The following SLC25A37 variants were observed in gnomAD, a reference collection of about 807,000 sequenced individuals.
SLC25A37 encodes mitoferrin-1.
In SLC25A37, 17 loss-of-function variants were observed where a neutral mutation model predicts 31.0. That is an observed-to-expected ratio of 0.55 (90% CI 0.38 to 0.82). The LOEUF (loss-of-function observed/expected upper bound fraction) is 0.82, where lower values mean the gene tolerates loss of function less well. Among genes scored for constraint, SLC25A37 ranks in the 40% least tolerant of loss-of-function variants. The pLI is 0.00. For missense variants in SLC25A37, 404 were observed against 465.8 expected (o/e 0.87, Z 1.22); for synonymous variants, 222 against 193.0 (o/e 1.15, Z -1.24).
At chr8:23,552,439 T>C (rs1361654242) in intron 1 of SLC25A37, among the ~76,000 whole-genome samples, 2 of 152,182 alleles carry the variant, frequency 1.3e-5, no homozygotes, top group African/African-American at 4.8e-5. Flanking sequence ...AAACCGGGGT[T>C]GTCTTTGTGC....
chr8:23,556,287 C>T (rs1385321387), intron 1 of SLC25A37, among the ~76,000 whole-genome samples: 1 of 148,020 alleles, frequency 6.8e-6, no homozygotes, highest in African/African-American at 2.5e-5. Context: ...GTGACATGAT[C>T]ATAGCTCACT....
At chr8:23,556,065 T>A (rs1034369875) in intron 1 of SLC25A37, among the ~76,000 whole-genome samples, 2 of 146,050 alleles carry the variant, frequency 1.4e-5, no homozygotes, top group African/African-American at 5.1e-5. Flanking sequence ...AGCAGGAAGC[T>A]TTTTTCAGAA....
At chr8:23,553,234 A>G (rs549785841) in intron 1 of SLC25A37, among the ~76,000 whole-genome samples, 101 of 152,190 alleles carry the variant, frequency 6.6e-4, no homozygotes, top group Non-Finnish European at 1.3e-3. Context: ...CAGCCTGGAC[A>G]ACATGGTGAA....
rs1456472306 is a variant in SLC25A37, at chr8:23,573,949, G to T, written c.*2094G>T. On this transcript the variant is annotated 3_prime_UTR_variant, in exon 4 of 4. Transcript: ENST00000519973. ...AACCTGCCTTGGGTTCGTGTTAAATGGTGTTAAATTCTGCAAATGGAGGGG... is the reference window on the plus strand; with the variant it reads ...AACCTGCCTTGGGTTCGTGTTAAATTGTGTTAAATTCTGCAAATGGAGGGG... 5.1e-6 allele frequency: 2 copies of T among 393,198 alleles called. No homozygotes were observed. Among genetic ancestry groups the T allele is most frequent in the African/African-American group, 4.2e-5 (2 of 47,858 alleles). 24.4% of individuals were successfully genotyped at this position (393,198 alleles called of 1,614,324 possible). A position where few individuals can be genotyped will look rare whatever the true frequency, so the allele number is the denominator to read the frequency against.
intron 3 of SLC25A37, chr8:23,568,639 G>A (rs1802732672): frequency 2.1e-6 from 1 of 485,020 alleles, no homozygotes; most frequent in Admixed American, 3.3e-5. Flanking sequence ...CTTGAGGGGT[G>A]TTGGAAATGC....
chr8:23,565,069 G>A (rs1802617270), intron 1 of SLC25A37, among the ~76,000 whole-genome samples: 1 of 152,218 alleles, frequency 6.6e-6, no homozygotes, highest in Non-Finnish European at 1.5e-5. Flanking sequence ...TGAGTCTGAA[G>A]GCAGTCTGGA....
In SLC25A37 at chr8:23,574,109, G is replaced by C. The variant is rs1802931012; in HGVS notation, c.*2254G>C. The C allele has an allele frequency of 9.1e-6, 3 of 331,018 alleles. No individual in the cohort carries two copies. Among genetic ancestry groups the C allele is most frequent in the South Asian group, 7.2e-5 (3 of 41,948 alleles). 20.5% of individuals were successfully genotyped at this position (331,018 alleles called of 1,614,324 possible). A position where few individuals can be genotyped will look rare whatever the true frequency, so the allele number is the denominator to read the frequency against. Reference sequence around the variant, plus strand: ...TTTCCTACTGGATTTTGCTTTCACTGGTGTTTAGAAAATAAACTTGATTTC... The same window carrying C: ...TTTCCTACTGGATTTTGCTTTCACTCGTGTTTAGAAAATAAACTTGATTTC... On this transcript the variant is annotated 3_prime_UTR_variant, in exon 4 of 4. Coordinates refer to ENST00000519973, the MANE Select transcript of SLC25A37 (RefSeq NM_016612.4).
At position 23,535,767 on chromosome 8, in the gene SLC25A37, T is replaced by C. The variant is rs191207813; in HGVS notation, c.210+6555T>C. 6.6e-5 allele frequency among the ~76,000 whole-genome samples: 10 copies of C among 152,270 alleles called. No homozygotes were observed. The East Asian group carries it at 1.2e-3, about 18-fold the overall frequency. On this transcript the variant is annotated intron_variant, in intron 1 of 3. Transcript: ENST00000519973. ...AAGGCAAAAGGCACATCTTACATGG[T>C]AACAGACAAGAAAGAGGACAGAACC... is the stretch of plus-strand genomic sequence containing the variant.
At chr8:23,562,077 TA>T (rs1234817364) in intron 1 of SLC25A37, among the ~76,000 whole-genome samples, 1 of 152,216 alleles carries the variant, frequency 6.6e-6, no homozygotes, top group Non-Finnish European at 1.5e-5. Context: ...CCTTTGACCA[TA>T]GGCTGGGCTT....
rs370005593 is a variant in SLC25A37 at position 23,571,651 on chromosome 8, G to T, written c.813G>T (p.Ser271=). The change falls in exon 4 of 4, where the codon TCG becomes TCT. Residue 271 remains serine (S), a synonymous_variant. Coordinates refer to ENST00000519973, the MANE Select transcript of SLC25A37 (RefSeq NM_016612.4). Reference sequence around the variant, plus strand: ...ACACTCAGGAGAACGTGGCCCTCTCGCTGGCCAACATCAGCGGCCGGCTGT... The same window carrying T: ...ACACTCAGGAGAACGTGGCCCTCTCTCTGGCCAACATCAGCGGCCGGCTGT... ...LLNTQENVAL[S]LANISGRLSG... 10 of 1,613,838 alleles carry T rather than the reference G, an allele frequency of 6.2e-6. No homozygotes were observed. The South Asian group carries it at 1.1e-4, about 18-fold the overall frequency.
intron 1 of SLC25A37, among the ~76,000 whole-genome samples, chr8:23,564,503 G>C (rs544870961): frequency 6.6e-6 from 1 of 150,836 alleles, no homozygotes; most frequent in Non-Finnish European, 1.5e-5. Context: ...GAGGGAGGAA[G>C]GGAAGGGTGG....
In SLC25A37 at chr8:23,571,413, A is replaced by AG; in HGVS notation, c.579dup (p.Leu194ValfsTer27). On this transcript the variant is annotated frameshift_variant, in exon 4 of 4. Transcript: ENST00000519973. LOFTEE classifies it high-confidence loss of function. ...TGCATCCGGACGGTGTGGAGGACCG[A>AG]GGGGTTGGGGGCCTTCTACCGGAGC... 1.9e-6 allele frequency: 3 copies of AG among 1,613,802 alleles called. No individual in the cohort carries two copies. The highest frequency in any genetic ancestry group is 2.5e-6 in the Non-Finnish European group (3 of 1,179,826).
At chr8:23,537,069 G>T (rs187409164) in intron 1 of SLC25A37, among the ~76,000 whole-genome samples, 1 of 151,782 alleles carries the variant, frequency 6.6e-6, no homozygotes, top group Non-Finnish European at 1.5e-5. Flanking sequence ...AGTGGTATGC[G>T]CCAGTGGTCT....
At chr8:23,551,017 G>T (rs1802209767) in intron 1 of SLC25A37, among the ~76,000 whole-genome samples, 1 of 152,192 alleles carries the variant, frequency 6.6e-6, no homozygotes, top group East Asian at 1.9e-4. Flanking sequence ...TCCATAGTAT[G>T]AACTTGGCCA....
intron 3 of SLC25A37, among the ~76,000 whole-genome samples, chr8:23,570,482 A>G (rs1175500432): frequency 6.6e-6 from 1 of 152,118 alleles, no homozygotes; most frequent in Non-Finnish European, 1.5e-5. Context: ...ATGCCCAAAT[A>G]AACATTCGCT....
Position 23,569,402 on chromosome 8 carries a change from T to TACACACACACACACAC in SLC25A37, c.496+1035_496+1050dup, listed in dbSNP as rs10608830. On this transcript the variant is annotated intron_variant, in intron 3 of 3. Transcript: ENST00000519973. The stretch of plus-strand genomic sequence containing the variant: ...CACTATTCTAAAACCTATGTGTGCA[T>TACACACACACACACAC]ACACACACACACACACACACACACA... Among the ~76,000 whole-genome samples the TACACACACACACACAC allele has an allele frequency of 7.2e-3, 1,089 of 150,234 alleles. 20 individuals carry two copies. The highest frequency in any genetic ancestry group is 0.023 in the African/African-American group (923 of 40,514).
intron 1 of SLC25A37, among the ~76,000 whole-genome samples, chr8:23,546,902 A>G (rs1231923065): frequency 6.6e-6 from 1 of 151,940 alleles, no homozygotes; most frequent in South Asian, 2.1e-4. Context: ...TGCAGTGCGT[A>G]TTAGTACAAT....
chr8:23,536,225 C>T (rs1384869981), intron 1 of SLC25A37, among the ~76,000 whole-genome samples: 1 of 152,182 alleles, frequency 6.6e-6, no homozygotes, highest in African/African-American at 2.4e-5. Context: ...CCAGACTTCT[C>T]ACCTTGACCT....
rs1554499348 is a variant in SLC25A37 at position 23,559,344 on chromosome 8, T to TGTGTGTGTGTGC, written c.211-6755_211-6754insTGCGTGTGTGTG. Among the ~76,000 whole-genome samples the TGTGTGTGTGTGC allele has an allele frequency of 1.6e-3, 244 of 151,848 alleles. 2 individuals carry two copies. The highest frequency in any genetic ancestry group is 1.4e-3 in the Non-Finnish European group (93 of 67,938). ...GAAATTCTCTGTCTCCGGTTGTGTGTGTGTGTGTGCGTGTGTGTGCGCGCG... is the reference window on the plus strand; with the variant it reads ...GAAATTCTCTGTCTCCGGTTGTGTGTGTGTGTGTGTGCGTGTGTGTGCGTGTGTGTGCGCGCG... On this transcript the variant is annotated intron_variant, in intron 1 of 3. Transcript: ENST00000519973.
Sources: gnomAD v4.1 joint callset for allele counts (sites outside exome capture counted in the v4.1 genomes callset) on GRCh38, gnomAD v4.1.1 for gene constraint, MANE v1.5 for transcripts, NCBI Gene and HGNC (gene_info 2026-07-23, HGNC 2026-07-21) for gene names.